Variants in DOCK7 observed in about 807,000 individuals in gnomAD.
DOCK7 encodes the protein dedicator of cytokinesis protein 7.
Under a neutral mutation model 271.0 loss-of-function variants are expected in DOCK7, and 138 were observed. The observed-to-expected ratio is 0.51, with a 90% CI of 0.44 to 0.59. The LOEUF (loss-of-function observed/expected upper bound fraction) is 0.59. Among genes scored for constraint, DOCK7 ranks in the 20% least tolerant of loss-of-function variants. The probability of loss-of-function intolerance (pLI) is 0.00; values close to 1 mark genes in which losing one functional copy is unlikely to be tolerated. For missense variants in DOCK7, 2,066 were observed against 2,592.4 expected (o/e 0.80, Z 4.41); for synonymous variants, 823 against 876.1 (o/e 0.94, Z 1.07).
chr1:62,459,237 T>C (rs1645440107), intron 48 of DOCK7: 1 of 150,658 alleles, frequency 6.6e-6, no homozygotes, highest in African/African-American at 2.4e-5. Flanking sequence ...AGAGAGGATA[T>C]AATGTACTTT....
intron 14 of DOCK7, chr1:62,604,705 C>T (rs1484389440): frequency 1.9e-6 from 3 of 1,613,076 alleles, no homozygotes; most frequent in Non-Finnish European, 2.5e-6. Context: ...AGAGCAAAAT[C>T]TAAGCCAGAG....
intron 37 of DOCK7, among the ~76,000 whole-genome samples, chr1:62,501,473 T>C (rs1387568203): frequency 6.6e-6 from 1 of 152,124 alleles, no homozygotes; most frequent in African/African-American, 2.4e-5. Context: ...GATTCAACAA[T>C]ACAGATGTAA....
In DOCK7 at chr1:62,602,387, G is replaced by A. The variant is rs774149887; in HGVS notation, c.1683-15763C>T. ...GGTTTTGGGAGGCTTGATGGTAAGG[G>A]GACTACATTCAATCATTCATTCACT... On this transcript the variant is annotated intron_variant, in intron 14 of 49. Transcript: ENST00000635253. 8 of 1,606,482 alleles carry A rather than the reference G, an allele frequency of 5.0e-6. No individual in the cohort carries two copies. Among genetic ancestry groups the A allele is most frequent in the Non-Finnish European group, 5.1e-6 (6 of 1,173,894 alleles).
intron 37 of DOCK7, among the ~76,000 whole-genome samples, chr1:62,502,762 AT>A (rs5774606): frequency 5.3e-5 from 8 of 151,756 alleles, no homozygotes; most frequent in African/African-American, 9.7e-5. Flanking sequence ...AACCAACACA[AT>A]TTTTTTTAAA....
Position 62,559,191 on chromosome 1 carries a change from C to G in DOCK7, c.2229G>C (p.Leu743=). The G allele has an allele frequency of 6.2e-7, 1 of 1,612,696 alleles. No homozygotes were observed. Among genetic ancestry groups the G allele is most frequent in the Non-Finnish European group, 8.5e-7 (1 of 1,179,196 alleles). The change falls in exon 20 of 50, where the codon CTG becomes CTC. Residue 743 remains leucine (L), a synonymous_variant. Transcript: ENST00000635253. ...ACAGGTGTTCATCCAGAGCATTGAC[C>G]AGAGCAAAAAATTTGTCAAGATAAG... ...QDPYLDKFFA[L]VNALDEHLFP...
intron 4 of DOCK7, among the ~76,000 whole-genome samples, chr1:62,649,992 G>A (rs893898382): frequency 3.9e-5 from 6 of 152,178 alleles, no homozygotes; most frequent in Non-Finnish European, 8.8e-5. Context: ...GCTCACACCT[G>A]TAATCCCAAC....
rs1044698538 is a variant in DOCK7 at position 62,668,364 on chromosome 1, C to G, written c.39-5234G>C. 3.9e-5 allele frequency among the ~76,000 whole-genome samples: 6 copies of G among 152,152 alleles called. No individual in the cohort carries two copies. In the East Asian group the frequency reaches 1.2e-3, roughly 29 times the overall value. On this transcript the variant is annotated intron_variant, in intron 1 of 49. Transcript: ENST00000635253. ...AAGTCTATTTAAGAGGGTGGAAAAA[C>G]AGATTTATGAGATATAACCAAATGC...
At chr1:62,521,010 C>T (rs1476555820) in intron 31 of DOCK7, among the ~76,000 whole-genome samples, 1 of 151,868 alleles carries the variant, frequency 6.6e-6, no homozygotes, top group Non-Finnish European at 1.5e-5. Context: ...GAACAGAAAA[C>T]CAAACACCAC....
At chr1:62,551,207 T>A (rs76331331) in intron 22 of DOCK7, among the ~76,000 whole-genome samples, 5 of 152,096 alleles carry the variant, frequency 3.3e-5, no homozygotes, top group Non-Finnish European at 5.9e-5. Flanking sequence ...ATACATGAAA[T>A]TGAGATTGTG....
intron 42 of DOCK7, 125 bp downstream of exon 42, chr1:62,488,809 G>T: frequency 1.6e-6 from 2 of 1,227,358 alleles, no homozygotes; most frequent in Non-Finnish European, 2.4e-6. Flanking sequence ...CATTTTGACC[G>T]CTCATTTGTA....
At chr1:62,665,147 T>C (rs1659144121) in intron 1 of DOCK7, among the ~76,000 whole-genome samples, 1 of 152,108 alleles carries the variant, frequency 6.6e-6, no homozygotes, top group East Asian at 2.0e-4. Context: ...CCACCACGCC[T>C]AGCTAATTTT....
intron 18 of DOCK7, among the ~76,000 whole-genome samples, chr1:62,568,134 T>A (rs941254720): frequency 6.6e-6 from 1 of 151,920 alleles, no homozygotes; most frequent in Non-Finnish European, 1.5e-5. Flanking sequence ...AATTGCACAA[T>A]TGCTCCTGAA....
At chr1:62,592,938 C>T (rs1387995246) in intron 14 of DOCK7, among the ~76,000 whole-genome samples, 3 of 152,084 alleles carry the variant, frequency 2.0e-5, no homozygotes, top group Non-Finnish European at 4.4e-5. Flanking sequence ...AAAGCATTTT[C>T]TATACATACT....
chr1:62,628,669 T>C (rs896728436), intron 11 of DOCK7: 2 of 151,990 alleles, frequency 1.3e-5, no homozygotes, highest in Non-Finnish European at 2.9e-5. Context: ...AAAAGCACAG[T>C]GACAAAAGAA....
In DOCK7 at chr1:62,633,809, G is replaced by A. The variant is rs527497379; in HGVS notation, c.1036-231C>T. ...CCATAATAAAGGCCATATATGAAAAGCCCACAGTTAACATCATACTCAATG... is the reference window on the plus strand; with the variant it reads ...CCATAATAAAGGCCATATATGAAAAACCCACAGTTAACATCATACTCAATG... On this transcript the variant is annotated intron_variant, in intron 9 of 49. Transcript: ENST00000635253. 6 of 432,918 alleles carry A rather than the reference G, an allele frequency of 1.4e-5. No individual in the cohort carries two copies. The East Asian group carries it at 2.0e-4, about 14-fold the overall frequency. 26.8% of individuals were successfully genotyped at this position (432,918 alleles called of 1,614,324 possible).
chr1:62,552,660 TACA>T (rs1328679574), intron 22 of DOCK7, 69 bp downstream of exon 22: 26 of 1,436,208 alleles, frequency 1.8e-5, no homozygotes, highest in Middle Eastern at 2.0e-4. Context: ...CAGAATACAT[TACA>T]ACAACTGGAT....
intron 14 of DOCK7, chr1:62,604,256 T>A (rs375057681): frequency 6.2e-7 from 1 of 1,611,228 alleles, no homozygotes; most frequent in Middle Eastern, 1.7e-4. Context: ...CTGATACCAA[T>A]ACTTTATTTT....
chr1:62,669,066 T>C (rs1190557912), intron 1 of DOCK7, among the ~76,000 whole-genome samples: 1 of 152,216 alleles, frequency 6.6e-6, no homozygotes, highest in Non-Finnish European at 1.5e-5. Flanking sequence ...CCTGATTCTT[T>C]CTGTTCCATA....
rs759726839 is a variant in DOCK7 at position 62,457,619 on chromosome 1, C to T, written c.6299G>A (p.Arg2100His). ...CAGTGGCTGTAGGGCCTCTTTAAGGCGATGATAGTTTCTCTCCAGTTCCCT... is the reference window on the plus strand; with the variant it reads ...CAGTGGCTGTAGGGCCTCTTTAAGGTGATGATAGTTTCTCTCCAGTTCCCT... ...YQRELERNYHRLKEALQPLIN... is the reference protein window; with the variant it reads ...YQRELERNYHHLKEALQPLIN... The change falls in exon 49 of 50, where the codon CGC (arginine) becomes CAC (histidine). Residue 2100 changes from arginine to histidine, a missense_variant. Arg to His is a conservative substitution (Grantham distance 29). Coordinates refer to ENST00000635253, the MANE Select transcript of DOCK7 (RefSeq NM_001367561.1). The T allele has an allele frequency of 2.5e-6, 4 of 1,614,130 alleles. No individual in the cohort carries two copies. The highest frequency in any genetic ancestry group is 3.4e-6 in the Non-Finnish European group (4 of 1,180,026).
Sources: allele counts gnomAD v4.1 joint callset (sites outside exome capture counted in the v4.1 genomes callset), GRCh38; gene constraint gnomAD v4.1.1; transcripts MANE v1.5; gene names NCBI Gene and HGNC (gene_info 2026-07-23, HGNC 2026-07-21).